The following EPHA10 variants were observed in gnomAD, a reference collection of about 807,000 sequenced individuals.
EPHA10 encodes ephrin type-A receptor 10.
Under a neutral mutation model 109.7 loss-of-function variants are expected in EPHA10, and 120 were observed. The ratio of observed to expected loss-of-function variants is 1.09; its 90% CI spans 0.94 to 1.27. The LOEUF is 1.27. Ranked by LOEUF, EPHA10 falls within the 50% of genes most tolerant of loss-of-function variation. EPHA10 has a pLI of 0.00. For missense variants in EPHA10, 1,396 were observed against 1,411.1 expected (o/e 0.99, Z 0.17); for synonymous variants, 640 against 618.9 (o/e 1.03, Z -0.51).
chr1:37,736,476 CAAAAAAA>C (rs543417433), intron 5 of EPHA10, among the ~76,000 whole-genome samples: 17,571 of 58,020 alleles, frequency 0.3, 1,513 homozygotes, highest in South Asian at 0.43. Flanking sequence ...AATTCTGTCT[CAAAAAAA>C]AAAAAAAAAA....
chr1:37,755,130 G>A (rs1349368032), intron 3 of EPHA10, among the ~76,000 whole-genome samples: 1 of 152,126 alleles, frequency 6.6e-6, no homozygotes, highest in East Asian at 1.9e-4. Context: ...GGGAGCTAAG[G>A]CTAGGAGAGG....
Position 37,720,564 on chromosome 1 carries a change from G to C in EPHA10, c.2209-10C>G, listed in dbSNP as rs757517453. On this transcript the variant is annotated splice_polypyrimidine_tract_variant and intron_variant, in intron 12 of 16. Transcript: ENST00000373048. ...GCTGCCCCTCGTGCCGCTGTGGAGGGAGAAGACTGAGGCCAGGGCTGTGCG... is the reference window on the plus strand; with the variant it reads ...GCTGCCCCTCGTGCCGCTGTGGAGGCAGAAGACTGAGGCCAGGGCTGTGCG... 1.9e-6 allele frequency: 3 copies of C among 1,605,480 alleles called. No individual in the cohort carries two copies. In the East Asian group the frequency reaches 6.8e-5, roughly 36 times the overall value.
intron 5 of EPHA10, among the ~76,000 whole-genome samples, chr1:37,740,596 T>C (rs549095475): frequency 1.3e-5 from 2 of 152,256 alleles, no homozygotes; most frequent in South Asian, 4.1e-4. Flanking sequence ...TGAGCCACCG[T>C]GCCCAGCCAG....
intron 3 of EPHA10, among the ~76,000 whole-genome samples, chr1:37,757,651 G>A: frequency 6.6e-6 from 1 of 152,092 alleles, no homozygotes; most frequent in East Asian, 1.9e-4. Context: ...GACATGGTTT[G>A]GGTTCCTGAG....
Position 37,723,071 on chromosome 1 carries a change from T to A in EPHA10, c.1930A>T (p.Ser644Cys). The A allele has an allele frequency of 6.2e-7, 1 of 1,614,168 alleles. No individual in the cohort carries two copies. The highest frequency in any genetic ancestry group is 8.5e-7 in the Non-Finnish European group (1 of 1,180,034). ...CCAAGGCTCCTCTCCAGCGTGACGC[T>A]TTTCGCATCCAGTTCCTTGGCGAAC... is the stretch of plus-strand genomic sequence containing the variant. Reference protein sequence around the residue: ...HLFAKELDAKSVTLERSLGGG... With the variant: ...HLFAKELDAKCVTLERSLGGG... The change falls in exon 10 of 17, where the codon AGC (serine) becomes TGC (cysteine). Residue 644 changes from serine to cysteine, a missense_variant. Coordinates refer to ENST00000373048, the MANE Select transcript of EPHA10 (RefSeq NM_001099439.2).
At chr1:37,741,115 C>T (rs1268201832) in intron 5 of EPHA10, among the ~76,000 whole-genome samples, 3 of 152,130 alleles carry the variant, frequency 2.0e-5, no homozygotes, top group East Asian at 1.9e-4. Context: ...GATCTTACTC[C>T]CTGAGCCTCA....
intron 6 of EPHA10, among the ~76,000 whole-genome samples, chr1:37,733,955 G>A (rs936205234): frequency 6.6e-6 from 1 of 152,090 alleles, no homozygotes; most frequent in Non-Finnish European, 1.5e-5. Flanking sequence ...TTCCACCTCA[G>A]TGCTTCTCCA....
chr1:37,734,993 G>C (rs1358580271), intron 6 of EPHA10, among the ~76,000 whole-genome samples: 1 of 152,154 alleles, frequency 6.6e-6, no homozygotes, highest in East Asian at 1.9e-4. Flanking sequence ...CCGGGCCCCA[G>C]AGAAAGCTCT....
Position 37,753,075 on chromosome 1 carries a change from C to A in EPHA10, c.1158G>T (p.Ala386=), listed in dbSNP as rs1275858826. The A allele has an allele frequency of 4.6e-6, 6 of 1,292,782 alleles. No individual in the cohort carries two copies. Among genetic ancestry groups the A allele is most frequent in the Non-Finnish European group, 4.9e-6 (5 of 1,020,844 alleles). 80.1% of individuals were successfully genotyped at this position (1,292,782 alleles called of 1,614,324 possible). A position where few individuals can be genotyped will look rare whatever the true frequency, so the allele number is the denominator to read the frequency against. ...GCGGCCCGCACGGCTCGCAGGCGCC[C>A]GCCGGGCCCTCGCGGCCGCAGCGCA... is the stretch of plus-strand genomic sequence containing the variant. ...LCLRCGREGP[A]GACEPCGPRV... is the part of the protein sequence containing the mutation. Residue 386 remains alanine (A), a synonymous_variant, in exon 5 of 17, where the codon GCG becomes GCT. Coordinates refer to ENST00000373048, the MANE Select transcript of EPHA10 (RefSeq NM_001099439.2).
At chr1:37,732,530 G>C (rs1313025021) in intron 6 of EPHA10, among the ~76,000 whole-genome samples, 1 of 152,136 alleles carries the variant, frequency 6.6e-6, no homozygotes, top group Non-Finnish European at 1.5e-5. Context: ...GACCCAAGCT[G>C]GGCCAATCAG....
Position 37,720,441 on chromosome 1 carries a change from G to A in EPHA10, c.2322C>T (p.Arg774=). The stretch of plus-strand genomic sequence containing the variant: ...CAAGGTCGCTGCTGACCAGCACATG[G>A]CGAGCTGCCAGGCCCCGGTGAACGT... ...MGYVHRGLAA[R]HVLVSSDLVC... The change falls in exon 13 of 17, where the codon CGC becomes CGT. Residue 774 remains arginine (R), a synonymous_variant. Transcript: ENST00000373048. The A allele has an allele frequency of 6.2e-7, 1 of 1,613,598 alleles. No individual in the cohort carries two copies. The highest frequency in any genetic ancestry group is 8.5e-7 in the Non-Finnish European group (1 of 1,180,010).
At chr1:37,740,266 C>A (rs965014773) in intron 5 of EPHA10, among the ~76,000 whole-genome samples, 1 of 151,838 alleles carries the variant, frequency 6.6e-6, no homozygotes, top group African/African-American at 2.4e-5. Context: ...GGCTGGAGCT[C>A]AGGGATTAGT....
chr1:37,748,918 C>CTTTTTTTT (rs55656984), intron 5 of EPHA10, among the ~76,000 whole-genome samples: 10 of 95,304 alleles, frequency 1.0e-4, no homozygotes, highest in East Asian at 6.5e-4. Flanking sequence ...TTCTTTTCAT[C>CTTTTTTTT]TTTTTTTTTT....
In EPHA10 at chr1:37,752,987, G is replaced by T; in HGVS notation, c.1246C>A (p.Arg416=). ...RERAATLLHL[R]PGARYTVRVA... ...CGCACGGTGTAGCGCGCGCCGGGCC[G>T]CAGGTGCAGCAGCGTGGCGGCTCGC... Residue 416 remains arginine (R), a synonymous_variant, in exon 5 of 17, where the codon CGG becomes AGG. Coordinates refer to ENST00000373048, the MANE Select transcript of EPHA10 (RefSeq NM_001099439.2). 1.6e-6 allele frequency: 2 copies of T among 1,231,942 alleles called. No homozygotes were observed. Among genetic ancestry groups the T allele is most frequent in the Non-Finnish European group, 2.0e-6 (2 of 988,292 alleles). 76.3% of individuals were successfully genotyped at this position (1,231,942 alleles called of 1,614,324 possible). A position where few individuals can be genotyped will look rare whatever the true frequency, so the allele number is the denominator to read the frequency against.
intron 7 of EPHA10, among the ~76,000 whole-genome samples, chr1:37,730,287 G>C (rs1031239560): frequency 6.6e-6 from 1 of 152,120 alleles, no homozygotes; most frequent in Non-Finnish European, 1.5e-5. Flanking sequence ...TTTGGACTCA[G>C]AGCTCTTCCT....
chr1:37,719,466 T>C lies in EPHA10; in HGVS notation c.2704A>G (p.Lys902Glu), dbSNP rs763173206. Residue 902 changes from lysine (K) to glutamate (E), a missense_variant, in exon 15 of 17, where the codon AAG becomes GAG. By Grantham distance (56) the Lys-to-Glu change is moderately conservative. Transcript: ENST00000373048. Reference sequence around the variant, plus strand: ...GGGGGCTCTGGGTCCTGCACCATCTTGCTCAGGATGCTGTGGATCTGGGAG... The same window carrying C: ...GGGGGCTCTGGGTCCTGCACCATCTCGCTCAGGATGCTGTGGATCTGGGAG... ...RFSQIHSILS[K>E]MVQDPEPPKC... The C allele has an allele frequency of 1.9e-6, 3 of 1,613,984 alleles. No homozygotes were observed. In the Admixed American group the frequency reaches 5.0e-5, roughly 27 times the overall value.
Position 37,761,838 on chromosome 1 carries a change from A to G in EPHA10, c.417T>C (p.Arg139=). The G allele has an allele frequency of 6.2e-7, 1 of 1,613,516 alleles. No homozygotes were observed. Among genetic ancestry groups the G allele is most frequent in the Non-Finnish European group, 8.5e-7 (1 of 1,179,658 alleles). Residue 139 remains arginine (R), a synonymous_variant, in exon 3 of 17, where the codon CGT becomes CGC. Transcript: ENST00000373048. ...YYLETEADLG[R]GRPRLGGSRP... is the part of the protein sequence containing the mutation. ...GGCTGCCGCCTAGGCGGGGACGCCC[A>G]CGGCCCAGGTCGGCCTCAGTTTCCA...
intron 8 of EPHA10, among the ~76,000 whole-genome samples, chr1:37,725,758 G>A (rs1214674221): frequency 6.6e-6 from 1 of 152,120 alleles, no homozygotes; most frequent in Non-Finnish European, 1.5e-5. Context: ...AGCGAAAGAG[G>A]GTGCGTGGTG....
At chr1:37,726,483 C>T (rs1196751354) in intron 8 of EPHA10, among the ~76,000 whole-genome samples, 2 of 152,222 alleles carry the variant, frequency 1.3e-5, no homozygotes, top group East Asian at 1.9e-4. Flanking sequence ...ACTCTGCCTG[C>T]AGCAGAGTGT....
Sources: allele counts gnomAD v4.1 joint callset (sites outside exome capture counted in the v4.1 genomes callset), GRCh38; gene constraint gnomAD v4.1.1; transcripts MANE v1.5; gene names NCBI Gene and HGNC (gene_info 2026-07-23, HGNC 2026-07-21).